Variants in SGMS1 observed in about 807,000 individuals in gnomAD.
SGMS1 encodes sphingomyelin synthase 1.
SGMS1 carries 13 observed loss-of-function variants against 46.2 expected under a neutral mutation model. The ratio of observed to expected loss-of-function variants is 0.28; its 90% CI spans 0.18 to 0.45. The LOEUF (loss-of-function observed/expected upper bound fraction) is 0.45, where lower values mean the gene tolerates loss of function less well. SGMS1 is among the 20% of genes least tolerant of loss of function. The probability of loss-of-function intolerance (pLI) is 1.00; values close to 1 mark genes in which losing one functional copy is unlikely to be tolerated. For missense variants in SGMS1, 324 were observed against 519.9 expected, an observed-to-expected ratio of 0.62 and a Z score of 3.66; for synonymous variants, 203 against 187.8, an observed-to-expected ratio of 1.08 and a Z score of -0.66.
intron 2 of SGMS1, among the ~76,000 whole-genome samples, chr10:50,537,380 T>C (rs2133812828): frequency 6.8e-6 from 1 of 146,428 alleles, no homozygotes; most frequent in Admixed American, 7.0e-5. Context: ...CTCTACCCCA[T>C]TTCATGATGC....
rs1458889963 is a variant in SGMS1 at position 50,488,028 on chromosome 10, T to TATTGATTGATTGATTG, written c.-497-21097_-497-21096insCAATCAATCAATCAAT. Among the ~76,000 whole-genome samples the TATTGATTGATTGATTG allele has an allele frequency of 1.5e-4, 20 of 137,410 alleles. 1 individual carries two copies. Among genetic ancestry groups the TATTGATTGATTGATTG allele is most frequent in the African/African-American group, 5.2e-4 (20 of 38,788 alleles). The allele number at this position is 137,410 out of a possible 152,430, so 90.1% of individuals were successfully genotyped here. ...TTATTTATTTATTTATTTATTTATT[T>TATTGATTGATTGATTG]ATTGAGACTGAGTCTCACTCTATTG... On this transcript the variant is annotated intron_variant, in intron 3 of 10. Coordinates refer to ENST00000361781, the MANE Select transcript of SGMS1 (RefSeq NM_147156.4).
intron 1 of SGMS1, among the ~76,000 whole-genome samples, chr10:50,608,542 T>G (rs1838717966): frequency 6.6e-6 from 1 of 152,112 alleles, no homozygotes; most frequent in African/African-American, 2.4e-5. Flanking sequence ...CACCCCACCC[T>G]TACACCTCAG....
chr10:50,588,494 A>C (rs1468449954), intron 2 of SGMS1, among the ~76,000 whole-genome samples: 2 of 152,226 alleles, frequency 1.3e-5, no homozygotes, highest in Non-Finnish European at 2.9e-5. Context: ...TACAACTGTA[A>C]TCATAGCTGA....
intron 2 of SGMS1, among the ~76,000 whole-genome samples, chr10:50,559,900 T>C (rs1238919962): frequency 6.6e-6 from 1 of 152,090 alleles, no homozygotes; most frequent in Admixed American, 6.6e-5. Context: ...ACCTCTTCTT[T>C]ATACACAGGA....
intron 6 of SGMS1, among the ~76,000 whole-genome samples, chr10:50,402,292 G>T (rs1181951903): frequency 6.6e-6 from 1 of 152,146 alleles, no homozygotes; most frequent in Non-Finnish European, 1.5e-5. Context: ...TCAAAGCTTA[G>T]CATTAGCTTT....
At chr10:50,537,297 A>G (rs889302173) in intron 2 of SGMS1, among the ~76,000 whole-genome samples, 7 of 152,032 alleles carry the variant, frequency 4.6e-5, no homozygotes, top group African/African-American at 1.7e-4. Flanking sequence ...GTACCTCCAA[A>G]TCTCAAACCC....
At chr10:50,365,421 A>T (rs1049138150) in intron 6 of SGMS1, among the ~76,000 whole-genome samples, 41 of 152,136 alleles carry the variant, frequency 2.7e-4, no homozygotes, top group Admixed American at 5.9e-4. Flanking sequence ...AGTTTTTTTT[A>T]AAATTTTATT....
intron 2 of SGMS1, among the ~76,000 whole-genome samples, chr10:50,527,485 AC>A (rs1389271303): frequency 6.6e-6 from 1 of 152,206 alleles, no homozygotes; most frequent in African/African-American, 2.4e-5. Context: ...TCTCGGTTGC[AC>A]AGCCTGTAAT....
intron 1 of SGMS1, among the ~76,000 whole-genome samples, chr10:50,598,525 G>GATA: frequency 6.6e-6 from 1 of 151,906 alleles, no homozygotes; most frequent in Non-Finnish European, 1.5e-5. Context: ...AATAACTGAT[G>GATA]GGTCTTGGTG....
At chr10:50,553,112 A>T (rs765709982) in intron 2 of SGMS1, among the ~76,000 whole-genome samples, 9 of 152,216 alleles carry the variant, frequency 5.9e-5, no homozygotes, top group Non-Finnish European at 1.2e-4. Context: ...TGGTGTTGTG[A>T]TCTATGCCGA....
At chr10:50,524,183 C>T (rs181914132) in intron 2 of SGMS1, among the ~76,000 whole-genome samples, 2 of 152,296 alleles carry the variant, frequency 1.3e-5, no homozygotes, top group East Asian at 3.9e-4. Flanking sequence ...ATTCTTGGGG[C>T]TCTTAGAACA....
intron 6 of SGMS1, among the ~76,000 whole-genome samples, chr10:50,363,494 C>T (rs1250556719): frequency 2.0e-5 from 3 of 152,150 alleles, no homozygotes; most frequent in African/African-American, 4.8e-5. Flanking sequence ...TACAGCTGAG[C>T]AACTGCCTCT....
chr10:50,307,902 C>G lies in SGMS1; in HGVS notation c.1062+80G>C. The G allele has an allele frequency of 7.1e-7, 1 of 1,411,228 alleles. No homozygotes were observed. Among genetic ancestry groups the G allele is most frequent in the Non-Finnish European group, 9.8e-7 (1 of 1,016,280 alleles). 87.4% of individuals were successfully genotyped at this position (1,411,228 alleles called of 1,614,324 possible). A position where few individuals can be genotyped will look rare whatever the true frequency, so the allele number is the denominator to read the frequency against. On this transcript the variant is annotated intron_variant, in intron 10 of 10. Transcript: ENST00000361781. The surrounding 1 kb of genome is among the most constrained non-coding windows in gnomAD (Gnocchi z 4.2). ...AAGAAAGAGAAACTTCAGACATCCA[C>G]AGGTTCTTTGCACCCTGTCCAAGCC... is the stretch of plus-strand genomic sequence containing the variant.
At chr10:50,559,772 A>G (rs1838217721) in intron 2 of SGMS1, among the ~76,000 whole-genome samples, 3 of 152,204 alleles carry the variant, frequency 2.0e-5, no homozygotes, top group Admixed American at 2.0e-4. Context: ...ACATGGGACA[A>G]AAATATACAT....
chr10:50,377,762 C>T (rs1848539995), intron 6 of SGMS1, among the ~76,000 whole-genome samples: 1 of 152,106 alleles, frequency 6.6e-6, no homozygotes, highest in Non-Finnish European at 1.5e-5. Flanking sequence ...GGACATACTC[C>T]CTCTGGAGGC....
At chr10:50,531,492 G>T (rs771494017) in intron 2 of SGMS1, among the ~76,000 whole-genome samples, 1 of 152,012 alleles carries the variant, frequency 6.6e-6, no homozygotes, top group South Asian at 2.1e-4. Context: ...CCACAAGCTG[G>T]TACTCTGCAG....
chr10:50,343,876 T>C lies in SGMS1; in HGVS notation c.239A>G (p.His80Arg), dbSNP rs1847866610. The C allele has an allele frequency of 1.9e-6, 3 of 1,614,184 alleles. No individual in the cohort carries two copies. Among genetic ancestry groups the C allele is most frequent in the Non-Finnish European group, 2.5e-6 (3 of 1,180,032 alleles). Residue 80 changes from histidine to arginine, a missense_variant, in exon 7 of 11, where the codon CAT (histidine) becomes CGT (arginine). This residue lies in a region of SGMS1 where 150 missense variants were observed against 169.8 expected (regional missense o/e 0.88). Coordinates refer to ENST00000361781, the MANE Select transcript of SGMS1 (RefSeq NM_147156.4). ...EHHLEAHKNG[H>R]ANGHLNIGVD... The stretch of plus-strand genomic sequence containing the variant: ...GCCAATGTTGAGGTGCCCATTGGCA[T>C]GGCCGTTCTTGTGTGCTTCCAAATG...
Position 50,401,349 on chromosome 10 carries a change from T to C in SGMS1, c.-232+32127A>G, listed in dbSNP as rs192113058. On this transcript the variant is annotated intron_variant, in intron 6 of 10. Coordinates refer to ENST00000361781, the MANE Select transcript of SGMS1 (RefSeq NM_147156.4). ...TTGAGTGATTACTATGTGCCAAATT[T>C]ACCTATTCTTTAAAAACTCTTTGAT... 1.8e-3 allele frequency among the ~76,000 whole-genome samples: 276 copies of C among 152,364 alleles called. 2 individuals carry two copies. In the Middle Eastern group the frequency reaches 0.031, roughly 17 times the overall value.
intron 5 of SGMS1, among the ~76,000 whole-genome samples, chr10:50,440,288 ATATATT>A (rs1849526964): frequency 1.3e-5 from 2 of 150,760 alleles, no homozygotes; most frequent in South Asian, 2.1e-4. Flanking sequence ...ATATATATAT[ATATATT>A]TTCTTTTAAA....
Sources: allele counts gnomAD v4.1 joint callset (sites outside exome capture counted in the v4.1 genomes callset), GRCh38; gene constraint gnomAD v4.1.1; regional missense constraint gnomAD v4.1.1; non-coding constraint Gnocchi (gnomAD v3.1); transcripts MANE v1.5; gene names NCBI Gene and HGNC (gene_info 2026-07-23, HGNC 2026-07-21).